JMJD1C: variants seen among roughly 807,000 people sequenced by gnomAD.
The protein encoded by JMJD1C is jumonji domain-containing protein 1C.
In JMJD1C, 31 loss-of-function variants were observed where a neutral mutation model predicts 245.3. The observed-to-expected ratio is 0.13, with a 90% confidence interval of 0.09 to 0.17. The LOEUF is 0.17. Ranked by LOEUF, JMJD1C falls within the 10% of genes least tolerant of loss-of-function variation. The pLI, the probability that JMJD1C is intolerant of heterozygous loss-of-function variation, is 1.00. For missense variants in JMJD1C, 2,691 were observed against 3,000.2 expected (o/e 0.90, Z 2.41); for synonymous variants, 1,057 against 1,017.4 (o/e 1.04, Z -0.74).
chr10:63,513,038 T>G (rs1426957450), intron 1 of JMJD1C, among the ~76,000 whole-genome samples: 1 of 152,226 alleles, frequency 6.6e-6, no homozygotes, highest in East Asian at 1.9e-4. Flanking sequence ...TTCTTAAAAT[T>G]TCCATCTCTC....
chr10:63,520,496 G>T (rs1955175583), intron 1 of JMJD1C, among the ~76,000 whole-genome samples: 1 of 137,644 alleles, frequency 7.3e-6, no homozygotes, highest in African/African-American at 2.7e-5. Flanking sequence ...TCTCAATTTG[G>T]TACTGTCACA....
intron 1 of JMJD1C, among the ~76,000 whole-genome samples, chr10:63,402,995 C>G (rs1948956835): frequency 6.6e-6 from 1 of 152,158 alleles, no homozygotes; most frequent in Non-Finnish European, 1.5e-5. Context: ...CTAAAACATA[C>G]CAAGCTCATT....
chr10:63,227,225 T>C (rs762142697), intron 3 of JMJD1C, among the ~76,000 whole-genome samples: 4 of 152,204 alleles, frequency 2.6e-5, no homozygotes, highest in Non-Finnish European at 5.9e-5. Flanking sequence ...TATTCAGATA[T>C]GCCTAGTTAG....
chr10:63,393,110 T>C (rs968675974), intron 1 of JMJD1C, among the ~76,000 whole-genome samples: 4 of 151,596 alleles, frequency 2.6e-5, no homozygotes, highest in South Asian at 4.2e-4. Context: ...CTACAAAAAA[T>C]ACAAAAAATT....
chr10:63,252,536 T>G (rs1220817912), intron 3 of JMJD1C, among the ~76,000 whole-genome samples: 1 of 152,224 alleles, frequency 6.6e-6, no homozygotes, highest in Non-Finnish European at 1.5e-5. Flanking sequence ...GTCTACCATG[T>G]GGAATTTGGA....
intron 3 of JMJD1C, chr10:63,222,785 T>C (rs1176310572): frequency 1.0e-5 from 15 of 1,468,128 alleles, no homozygotes; most frequent in Non-Finnish European, 1.4e-5. Context: ...AGTTTTGAAG[T>C]CAATTCCTAG....
intron 3 of JMJD1C, among the ~76,000 whole-genome samples, chr10:63,258,980 G>GT (rs1314405363): frequency 6.6e-6 from 1 of 152,136 alleles, no homozygotes; most frequent in Non-Finnish European, 1.5e-5. Context: ...AATAAATACT[G>GT]TACCAGGTCA....
intron 1 of JMJD1C, among the ~76,000 whole-genome samples, chr10:63,457,864 G>A (rs904170536): frequency 1.3e-5 from 2 of 152,090 alleles, no homozygotes; most frequent in African/African-American, 4.8e-5. Context: ...TCAGTTTTTC[G>A]TAAGTCAGCA....
intron 1 of JMJD1C, among the ~76,000 whole-genome samples, chr10:63,383,798 T>C (rs9415699): frequency 0.14 from 21,417 of 152,214 alleles, 2,211 homozygotes; most frequent in East Asian, 0.35. Flanking sequence ...AGAGTTGTAG[T>C]ATCTTTTTGC....
chr10:63,417,776 T>G lies in JMJD1C; in HGVS notation c.169-37294A>C, dbSNP rs533492556. Among the ~76,000 whole-genome samples, 4 of 152,274 alleles carry G rather than the reference T, an allele frequency of 2.6e-5. No homozygotes were observed. The South Asian group carries it at 6.2e-4, about 24-fold the overall frequency. ...GAATTTACTTCTAATGAAACTTGTA[T>G]TAAGAAAGTTAGGTCCTAAACAATC... On this transcript the variant is annotated intron_variant, in intron 1 of 25. Transcript: ENST00000399262.
intron 3 of JMJD1C, chr10:63,222,788 A>G: frequency 6.8e-7 from 1 of 1,464,132 alleles, no homozygotes; most frequent in Non-Finnish European, 9.6e-7. Flanking sequence ...TTTGAAGTCA[A>G]TTCCTAGTGA....
At chr10:63,363,910 C>T (rs1380105432) in intron 2 of JMJD1C, among the ~76,000 whole-genome samples, 1 of 147,176 alleles carries the variant, frequency 6.8e-6, no homozygotes, top group Admixed American at 7.1e-5. Context: ...AGCTGTAGTG[C>T]AGTGGCATGA....
In JMJD1C at chr10:63,269,192, T is replaced by C. The variant is rs143317168; in HGVS notation, c.334-4428A>G. ...TGCGTGGAAACACAGTGCAGTAGCT[T>C]CCAACAGTGCAGACACCCAAATGAG... On this transcript the variant is annotated intron_variant, in intron 2 of 25. Transcript: ENST00000399262. The C allele has an allele frequency of 3.3e-4, 322 of 985,416 alleles. No individual in the cohort carries two copies. The African/African-American group carries it at 5.3e-3, about 16-fold the overall frequency. The allele number at this position is 985,416 out of a possible 1,614,324, so 61.0% of individuals were successfully genotyped here.
chr10:63,360,204 T>G (rs1270090591), intron 2 of JMJD1C, among the ~76,000 whole-genome samples: 1 of 151,994 alleles, frequency 6.6e-6, no homozygotes, highest in South Asian at 2.1e-4. Context: ...CTTAGAAGAA[T>G]GATCCTCTCA....
At position 63,197,541 on chromosome 10, in the gene JMJD1C, T is replaced by G. The variant is rs754415791; in HGVS notation, c.5514A>C (p.Ala1838=). 5 of 1,558,508 alleles carry G rather than the reference T, an allele frequency of 3.2e-6. No individual in the cohort carries two copies. The South Asian group carries it at 6.0e-5, about 19-fold the overall frequency. ...CACACATCTCCCGGACTCCTCTCAC[T>G]GCTCTTTTCCAGGCAATTTTGGCTG... ...KKDAKIAWKR[A]VRGVREMCDA... is the part of the protein sequence containing the mutation. The change falls in exon 13 of 26, where the codon GCA becomes GCC. Residue 1838 remains alanine, a synonymous_variant. Transcript: ENST00000399262.
intron 1 of JMJD1C, among the ~76,000 whole-genome samples, chr10:63,394,082 G>A (rs1171966536): frequency 3.3e-5 from 5 of 151,834 alleles, no homozygotes; most frequent in African/African-American, 1.2e-4. Context: ...AGCTACTCAG[G>A]AGGCTGATGA....
chr10:63,440,091 T>C (rs999752634), intron 1 of JMJD1C, among the ~76,000 whole-genome samples: 6 of 152,264 alleles, frequency 3.9e-5, no homozygotes, highest in African/African-American at 1.4e-4. Context: ...ATTGCCCACT[T>C]TGGGAGGCCA....
chr10:63,278,800 T>C (rs1202279077), intron 2 of JMJD1C, among the ~76,000 whole-genome samples: 5 of 147,410 alleles, frequency 3.4e-5, no homozygotes, highest in East Asian at 2.0e-4. Flanking sequence ...TATTGTGCCA[T>C]TGCACTCCAG....
intron 2 of JMJD1C, among the ~76,000 whole-genome samples, chr10:63,296,952 A>C (rs9414788): frequency 4.6e-5 from 7 of 152,084 alleles, no homozygotes; most frequent in African/African-American, 1.4e-4. Context: ...ACATTTCTTC[A>C]AAGTACCTGT....
Sources: allele counts gnomAD v4.1 joint callset (sites outside exome capture counted in the v4.1 genomes callset), GRCh38; gene constraint gnomAD v4.1.1; transcripts MANE v1.5; gene names NCBI Gene and HGNC (gene_info 2026-07-23, HGNC 2026-07-21).